Variants in DLC1 observed in about 807,000 individuals in gnomAD.
The protein encoded by DLC1 is DLC1 Rho GTPase activating protein.
DLC1 carries 54 observed loss-of-function variants against 140.3 expected under a neutral mutation model. The observed-to-expected ratio is 0.38, with a 90% CI of 0.31 to 0.48. The LOEUF (loss-of-function observed/expected upper bound fraction) is 0.48, where lower values mean the gene tolerates loss of function less well. DLC1 is among the 20% of genes least tolerant of loss of function. The probability of loss-of-function intolerance (pLI) is 0.96; values close to 1 mark genes in which losing one functional copy is unlikely to be tolerated. For synonymous variants in DLC1, 986 were observed against 728.1 expected (o/e 1.35, Z -5.70); for missense variants, 2,536 against 1,907.0 (o/e 1.33, Z -6.14).
chr8:13,349,938 C>T (rs959542742), intron 4 of DLC1, among the ~76,000 whole-genome samples: 3 of 152,178 alleles, frequency 2.0e-5, no homozygotes, highest in African/African-American at 7.2e-5. Context: ...TCTTTTTCCT[C>T]CGACTTCAGT....
At chr8:13,432,640 T>C (rs1325086569) in intron 2 of DLC1, among the ~76,000 whole-genome samples, 2 of 151,984 alleles carry the variant, frequency 1.3e-5, no homozygotes, top group Non-Finnish European at 2.9e-5. Flanking sequence ...GGAAGAGGAG[T>C]AGGGAACGTG....
chr8:13,384,822 T>TA (rs1434245765), intron 4 of DLC1, among the ~76,000 whole-genome samples: 1 of 152,104 alleles, frequency 6.6e-6, no homozygotes, highest in African/African-American at 2.4e-5. Context: ...GAAGAAACCT[T>TA]AGAAATGAAT....
intron 5 of DLC1, among the ~76,000 whole-genome samples, chr8:13,183,909 C>A (rs1260591267): frequency 1.3e-5 from 2 of 152,210 alleles, no homozygotes; most frequent in Non-Finnish European, 2.9e-5. Flanking sequence ...CCTCCTTCTA[C>A]TTCTGGTAGA....
chr8:13,274,248 A>C (rs904280162), intron 5 of DLC1, among the ~76,000 whole-genome samples: 12 of 152,228 alleles, frequency 7.9e-5, no homozygotes, highest in Admixed American at 7.9e-4. Flanking sequence ...GTCAATCTTC[A>C]TTTGACTAAC....
chr8:13,374,164 C>G (rs917946169), intron 4 of DLC1, among the ~76,000 whole-genome samples: 5 of 152,108 alleles, frequency 3.3e-5, no homozygotes, highest in Admixed American at 1.3e-4. Context: ...TGAAATAGGT[C>G]TCAGAATAAA....
intron 4 of DLC1, among the ~76,000 whole-genome samples, chr8:13,332,680 G>A (rs995370287): frequency 3.3e-5 from 5 of 151,904 alleles, no homozygotes; most frequent in Non-Finnish European, 4.4e-5. Context: ...TGAAACGCCC[G>A]ACTTGGCCTC....
intron 5 of DLC1, chr8:13,116,308 T>A: frequency 1.2e-6 from 1 of 861,006 alleles, no homozygotes; most frequent in Non-Finnish European, 1.4e-6. Context: ...TGGTTTCACA[T>A]CTTGTAGATA....
chr8:13,202,474 C>G (rs1448741121), intron 5 of DLC1, among the ~76,000 whole-genome samples: 1 of 152,102 alleles, frequency 6.6e-6, no homozygotes, highest in Non-Finnish European at 1.5e-5. Flanking sequence ...TGAACTGGGT[C>G]TTTATTCTCC....
At chr8:13,418,694 C>T (rs11774209) in intron 2 of DLC1, among the ~76,000 whole-genome samples, 40,056 of 151,880 alleles carry the variant, frequency 0.26, 6,376 homozygotes, top group Middle Eastern at 0.36. Flanking sequence ...CTTGGCGATG[C>T]GGGCTCTTTT....
At chr8:13,197,765 A>G (rs930069279) in intron 5 of DLC1, among the ~76,000 whole-genome samples, 4 of 152,212 alleles carry the variant, frequency 2.6e-5, no homozygotes, top group Non-Finnish European at 5.9e-5. Context: ...GGCATAAAAA[A>G]TGTGTTGGGA....
At chr8:13,555,328 GTTT>G (rs542298860) in intron 1 of DLC1, among the ~76,000 whole-genome samples, 6 of 148,186 alleles carry the variant, frequency 4.0e-5, no homozygotes, top group African/African-American at 1.5e-4. Context: ...TTTCTTGTAT[GTTT>G]TTTTTTTAAT....
At chr8:13,137,150 T>C (rs913890924) in intron 5 of DLC1, among the ~76,000 whole-genome samples, 20 of 152,044 alleles carry the variant, frequency 1.3e-4, no homozygotes, top group African/African-American at 4.8e-4. Flanking sequence ...AGTGAAAAAA[T>C]CATGAAGAGT....
At chr8:13,367,411 A>G (rs1835538779) in intron 4 of DLC1, among the ~76,000 whole-genome samples, 1 of 152,172 alleles carries the variant, frequency 6.6e-6, no homozygotes, top group South Asian at 2.1e-4. Context: ...TGCTGCCTAC[A>G]TGTTAGCTTG....
intron 2 of DLC1, among the ~76,000 whole-genome samples, chr8:13,460,447 A>G (rs1799608095): frequency 6.6e-6 from 1 of 152,226 alleles, no homozygotes; most frequent in Admixed American, 6.5e-5. Flanking sequence ...AGATATTTAG[A>G]CCTGATTGTG....
chr8:13,570,947 C>CAG (rs1180297715), intron 1 of DLC1, among the ~76,000 whole-genome samples: 3 of 152,162 alleles, frequency 2.0e-5, no homozygotes, highest in African/African-American at 7.2e-5. Context: ...ATGGTGCAGA[C>CAG]AGGTATCTTG....
chr8:13,276,481 A>G, intron 5 of DLC1: 1 of 1,334,162 alleles, frequency 7.5e-7, no homozygotes, highest in Middle Eastern at 2.6e-4. Flanking sequence ...TCCCGGCCGC[A>G]GGCTGTCGCC....
At chr8:13,156,492 T>C (rs767505498) in intron 5 of DLC1, among the ~76,000 whole-genome samples, 23 of 152,174 alleles carry the variant, frequency 1.5e-4, no homozygotes, top group Non-Finnish European at 3.1e-4. Context: ...TTCTTTTCCT[T>C]CCCACCAAAG....
intron 2 of DLC1, among the ~76,000 whole-genome samples, chr8:13,460,740 G>A (rs289538): frequency 0.2 from 30,516 of 152,210 alleles, 4,526 homozygotes; most frequent in African/African-American, 0.41. Flanking sequence ...GGTAAAAGGA[G>A]TTACTACACA....
At chr8:13,390,831 CA>C in intron 4 of DLC1, among the ~76,000 whole-genome samples, 1 of 151,620 alleles carries the variant, frequency 6.6e-6, no homozygotes. Context: ...ACTAAAAATA[CA>C]AAAAAATTAG....
Sources: allele counts gnomAD v4.1 joint callset (sites outside exome capture counted in the v4.1 genomes callset), GRCh38; gene constraint gnomAD v4.1.1; transcripts MANE v1.5; gene names NCBI Gene and HGNC (gene_info 2026-07-23, HGNC 2026-07-21).